Variants in TMEFF2 observed in about 807,000 individuals in gnomAD.
TMEFF2 encodes the protein tomoregulin-2.
A neutral mutation model predicts 53.8 loss-of-function variants in TMEFF2; 28 were observed. The observed-to-expected ratio is 0.52, with a 90% CI of 0.39 to 0.71. The LOEUF is 0.71. Ranked by LOEUF, TMEFF2 falls within the 30% of genes least tolerant of loss-of-function variation. The pLI is 0.00. For missense variants in TMEFF2, 353 were observed against 455.2 expected (o/e 0.78, Z 2.04); for synonymous variants, 162 against 166.3 (o/e 0.97, Z 0.20).
chr2:192,133,825 A>T lies in TMEFF2; in HGVS notation c.439+45843T>A, dbSNP rs1009295916. The stretch of plus-strand genomic sequence containing the variant: ...ATTACTTCAGTCAAGCCCAAATTTC[A>T]TCCTCATCTGTTACCTATCTCGGCA... On this transcript the variant is annotated intron_variant, in intron 4 of 9. Transcript: ENST00000272771. Among the ~76,000 whole-genome samples the T allele has an allele frequency of 3.9e-5, 6 of 152,066 alleles. No homozygotes were observed. In the South Asian group the frequency reaches 1.2e-3, roughly 32 times the overall value.
chr2:192,035,171 T>A (rs1687255356), intron 5 of TMEFF2: 2 of 137,418 alleles, frequency 1.5e-5, no homozygotes, highest in Admixed American at 1.4e-4. Flanking sequence ...AACGATCTTT[T>A]TTTTGTTTGT....
At chr2:192,033,666 A>G (rs1172310928) in intron 5 of TMEFF2, among the ~76,000 whole-genome samples, 3 of 152,004 alleles carry the variant, frequency 2.0e-5, no homozygotes, top group African/African-American at 7.3e-5. Context: ...AAATATGACC[A>G]GGAGGACTGG....
Position 192,194,577 on chromosome 2 carries a change from C to A in TMEFF2, c.-53G>T. 4 of 1,582,038 alleles carry A rather than the reference C, an allele frequency of 2.5e-6. No individual in the cohort carries two copies. In the South Asian group the frequency reaches 3.4e-5, roughly 13 times the overall value. On this transcript the variant is annotated 5_prime_UTR_variant, in exon 1 of 10. Transcript: ENST00000272771. The surrounding 1 kb of genome is among the most constrained non-coding windows in gnomAD (Gnocchi z 4.2). ...AAACGGCTTCCGAGGAACACAGGAT[C>A]GCGGGGGCCGGGCAGCGGGCTACTG...
rs182955666 is a variant in TMEFF2 at position 192,168,898 on chromosome 2, G to A, written c.439+10770C>T. On this transcript the variant is annotated intron_variant, in intron 4 of 9. Coordinates refer to ENST00000272771, the MANE Select transcript of TMEFF2 (RefSeq NM_016192.4). ...TGTTACATTGCCCAGGCTAGAGTAC[G>A]GTTGCTATTTATAGCCACTATCATA... 7.9e-5 allele frequency among the ~76,000 whole-genome samples: 12 copies of A among 151,800 alleles called. No individual in the cohort carries two copies. In the South Asian group the frequency reaches 8.3e-4, roughly 11 times the overall value.
intron 4 of TMEFF2, among the ~76,000 whole-genome samples, chr2:192,151,441 C>T (rs1441839926): frequency 6.6e-6 from 1 of 151,770 alleles, no homozygotes; most frequent in South Asian, 2.1e-4. Context: ...TCAAGAGTTG[C>T]ATTTTCACAT....
In TMEFF2 at chr2:192,194,220, G is replaced by T; in HGVS notation, c.172+133C>A. 2.9e-6 allele frequency: 3 copies of T among 1,050,748 alleles called. No homozygotes were observed. Among genetic ancestry groups the T allele is most frequent in the Non-Finnish European group, 4.2e-6 (3 of 708,704 alleles). The allele number at this position is 1,050,748 out of a possible 1,614,324, so 65.1% of individuals were successfully genotyped here. A position where few individuals can be genotyped will look rare whatever the true frequency, so the allele number is the denominator to read the frequency against. ...GTTCCCCTTGTTTCTCTGGATAGAG[G>T]TGGGTGGTATTAGGGGTCTAGGGCA... On this transcript the variant is annotated intron_variant, in intron 1 of 9. Coordinates refer to ENST00000272771, the MANE Select transcript of TMEFF2 (RefSeq NM_016192.4). This position sits in a 1 kb window ranked among gnomAD's most constrained non-coding sequence, Gnocchi z 4.2.
At chr2:192,093,357 A>T (rs1361105484) in intron 4 of TMEFF2, among the ~76,000 whole-genome samples, 1 of 152,166 alleles carries the variant, frequency 6.6e-6, no homozygotes, top group Non-Finnish European at 1.5e-5. Context: ...TCAAGAATAC[A>T]TCTCAAATTC....
At chr2:192,017,185 A>ACTGGGGAGAG (rs1686762850) in intron 5 of TMEFF2, among the ~76,000 whole-genome samples, 1 of 152,180 alleles carries the variant, frequency 6.6e-6, no homozygotes, top group Non-Finnish European at 1.5e-5. Flanking sequence ...GTTCCCATGC[A>ACTGGGGAGAG]CTGGGGAGAG....
Position 192,194,244 on chromosome 2 carries a change from C to T in TMEFF2, c.172+109G>A. The stretch of plus-strand genomic sequence containing the variant: ...GGTGGGTGGTATTAGGGGTCTAGGG[C>T]AGTAGGAGGTGAGGGGCTGAGGAGG... On this transcript the variant is annotated intron_variant, in intron 1 of 9. Transcript: ENST00000272771. The surrounding 1 kb of genome is among the most constrained non-coding windows in gnomAD (Gnocchi z 4.2). The T allele has an allele frequency of 7.7e-7, 1 of 1,298,306 alleles. No homozygotes were observed. The highest frequency in any genetic ancestry group is 1.1e-6 in the Non-Finnish European group (1 of 916,622). The allele number at this position is 1,298,306 out of a possible 1,614,324, so 80.4% of individuals were successfully genotyped here.
chr2:192,176,418 C>T lies in TMEFF2; in HGVS notation c.439+3250G>A, dbSNP rs1038478784. ...TTTTGTATTAATGAGTTTTCTTAAA[C>T]ACTAAAAGAAGAGGATACAGTCAGC... On this transcript the variant is annotated intron_variant, in intron 4 of 9. Transcript: ENST00000272771. 5.3e-5 allele frequency among the ~76,000 whole-genome samples: 8 copies of T among 151,408 alleles called. No individual in the cohort carries two copies. The East Asian group carries it at 1.4e-3, about 26-fold the overall frequency.
chr2:192,021,834 A>T (rs886845201), intron 5 of TMEFF2: 2 of 152,220 alleles, frequency 1.3e-5, no homozygotes, highest in African/African-American at 4.8e-5. Context: ...GTCTTCGGAT[A>T]CGAAAAAAGC....
intron 4 of TMEFF2, among the ~76,000 whole-genome samples, chr2:192,107,029 G>T (rs867325863): frequency 2.0e-4 from 31 of 151,744 alleles, no homozygotes; most frequent in Middle Eastern, 3.4e-3. Flanking sequence ...AAAATGTACG[G>T]TTTATTTTAT....
intron 4 of TMEFF2, among the ~76,000 whole-genome samples, chr2:192,149,986 G>A (rs1278268107): frequency 6.6e-6 from 1 of 151,860 alleles, no homozygotes; most frequent in East Asian, 1.9e-4. Context: ...CCATTATACA[G>A]CAATTCTTTG....
chr2:192,137,701 C>T (rs1454014683), intron 4 of TMEFF2, among the ~76,000 whole-genome samples: 5 of 151,602 alleles, frequency 3.3e-5, no homozygotes, highest in African/African-American at 1.2e-4. Flanking sequence ...CCTCAGATAT[C>T]TGCATACCTA....
intron 5 of TMEFF2, among the ~76,000 whole-genome samples, chr2:192,021,547 G>A (rs1686860835): frequency 6.6e-6 from 1 of 152,088 alleles, no homozygotes; most frequent in Admixed American, 6.6e-5. Context: ...GTAAACCTGA[G>A]AGCAATTTAA....
intron 5 of TMEFF2, among the ~76,000 whole-genome samples, chr2:192,049,575 T>C (rs185810968): frequency 3.9e-5 from 6 of 152,218 alleles, no homozygotes; most frequent in African/African-American, 1.4e-4. Flanking sequence ...ACTCAGAATA[T>C]GCTAGAAACT....
chr2:192,079,313 CTCTT>C (rs1201789542), intron 4 of TMEFF2, among the ~76,000 whole-genome samples: 1 of 152,174 alleles, frequency 6.6e-6, no homozygotes, highest in Admixed American at 6.6e-5. Context: ...GCCTCCTTTC[CTCTT>C]TCTTTTCATA....
intron 5 of TMEFF2, among the ~76,000 whole-genome samples, chr2:192,039,279 AAAAG>A (rs1264107719): frequency 2.0e-5 from 3 of 152,246 alleles, no homozygotes; most frequent in Non-Finnish European, 2.9e-5. Context: ...TATGAATAAA[AAAAG>A]AAAGAACAGA....
intron 4 of TMEFF2, among the ~76,000 whole-genome samples, chr2:192,162,454 AT>A (rs1209562589): frequency 6.6e-6 from 1 of 152,220 alleles, no homozygotes; most frequent in East Asian, 1.9e-4. Context: ...CATAGTGAAG[AT>A]TTACAACTTT....
Sources: allele counts gnomAD v4.1 joint callset (sites outside exome capture counted in the v4.1 genomes callset), GRCh38; gene constraint gnomAD v4.1.1; non-coding constraint Gnocchi (gnomAD v3.1); transcripts MANE v1.5; gene names NCBI Gene and HGNC (gene_info 2026-07-23, HGNC 2026-07-21).